Variants in CSMD1 observed in about 807,000 individuals in gnomAD.
CSMD1 encodes CUB and sushi domain-containing protein 1.
A neutral mutation model predicts 417.5 loss-of-function variants in CSMD1; 213 were observed. The ratio of observed to expected loss-of-function variants is 0.51; its 90% CI spans 0.46 to 0.57. The LOEUF is 0.57. Ranked by LOEUF, CSMD1 falls within the 20% of genes least tolerant of loss-of-function variation. The pLI is 0.00. For synonymous variants in CSMD1, 2,862 were observed against 1,736.8 expected, an observed-to-expected ratio of 1.65 and a Z score of -16.11; for missense variants, 6,923 against 4,529.7, an observed-to-expected ratio of 1.53 and a Z score of -15.17.
At chr8:4,626,208 G>A (rs1324952941) in intron 2 of CSMD1, among the ~76,000 whole-genome samples, 1 of 152,042 alleles carries the variant, frequency 6.6e-6, no homozygotes, top group Non-Finnish European at 1.5e-5. Context: ...TTCCTCTTTT[G>A]GCTGAGAGGA....
intron 5 of CSMD1, among the ~76,000 whole-genome samples, chr8:3,951,628 A>T (rs549149113): frequency 1.2e-3 from 187 of 152,342 alleles, no homozygotes; most frequent in Non-Finnish European, 2.3e-3. Flanking sequence ...CAGCTGACAA[A>T]AATATTGGAA....
At chr8:4,486,138 CATACAT>C (rs1167288067) in intron 2 of CSMD1, among the ~76,000 whole-genome samples, 17 of 30,258 alleles carry the variant, frequency 5.6e-4, no homozygotes, top group Non-Finnish European at 9.6e-4. Context: ...TATATATATA[CATACAT>C]ATATATATAT....
chr8:3,972,482 T>C (rs2740814), intron 5 of CSMD1, among the ~76,000 whole-genome samples: 86,138 of 152,082 alleles, frequency 0.57, 24,865 homozygotes, highest in East Asian at 0.8. Context: ...TCCTTTCTCA[T>C]TGGAATGAAT....
intron 2 of CSMD1, among the ~76,000 whole-genome samples, chr8:4,550,985 C>G (rs1003959094): frequency 3.3e-5 from 5 of 152,182 alleles, no homozygotes; most frequent in African/African-American, 1.2e-4. Context: ...ATACACCAAA[C>G]AAAGGCTGCC....
chr8:4,507,114 G>C (rs1398841450), intron 2 of CSMD1, among the ~76,000 whole-genome samples: 2 of 151,944 alleles, frequency 1.3e-5, no homozygotes, highest in Non-Finnish European at 2.9e-5. Flanking sequence ...CCTACACTTT[G>C]ATACATTTCA....
intron 5 of CSMD1, among the ~76,000 whole-genome samples, chr8:3,847,132 T>C (rs755284284): frequency 6.6e-6 from 1 of 152,046 alleles, no homozygotes; most frequent in Non-Finnish European, 1.5e-5. Context: ...CTCTTGCAAG[T>C]GGGCAGGACC....
intron 3 of CSMD1, among the ~76,000 whole-genome samples, chr8:4,199,985 C>G (rs1799556565): frequency 6.6e-6 from 1 of 152,094 alleles, no homozygotes; most frequent in Non-Finnish European, 1.5e-5. Context: ...ATAATGGTGA[C>G]TATTAAAAGT....
chr8:4,913,115 T>C (rs557556974), intron 1 of CSMD1, among the ~76,000 whole-genome samples: 5 of 152,068 alleles, frequency 3.3e-5, no homozygotes, highest in East Asian at 3.9e-4. Context: ...AAAAAAATCG[T>C]GAGGGATCAC....
chr8:3,772,052 C>A (rs897857227), intron 5 of CSMD1, among the ~76,000 whole-genome samples: 2 of 151,640 alleles, frequency 1.3e-5, no homozygotes, highest in Non-Finnish European at 2.9e-5. Context: ...GTGCGAGCAT[C>A]TGAGTCTGCC....
chr8:4,919,104 C>A (rs1242481913), intron 1 of CSMD1, among the ~76,000 whole-genome samples: 1 of 152,146 alleles, frequency 6.6e-6, no homozygotes, highest in Non-Finnish European at 1.5e-5. Flanking sequence ...GATTATGTAA[C>A]ATGTCATGCC....
At chr8:4,248,949 C>T (rs1802882066) in intron 3 of CSMD1, among the ~76,000 whole-genome samples, 2 of 152,112 alleles carry the variant, frequency 1.3e-5, no homozygotes, top group Non-Finnish European at 2.9e-5. Flanking sequence ...TGCATAATAC[C>T]ATAATGCTAC....
chr8:4,885,296 T>C (rs1279157459), intron 1 of CSMD1, among the ~76,000 whole-genome samples: 1 of 151,888 alleles, frequency 6.6e-6, no homozygotes, highest in Non-Finnish European at 1.5e-5. Flanking sequence ...GTTTTCCTTC[T>C]TTTTTTTATT....
intron 26 of CSMD1, among the ~76,000 whole-genome samples, chr8:3,236,747 C>A (rs770202027): frequency 6.6e-6 from 1 of 152,142 alleles, no homozygotes; most frequent in African/African-American, 2.4e-5. Context: ...AATATGTTTT[C>A]TGCAAATTGG....
intron 2 of CSMD1, among the ~76,000 whole-genome samples, chr8:4,622,731 C>A (rs1442347274): frequency 6.6e-6 from 1 of 152,060 alleles, no homozygotes; most frequent in Non-Finnish European, 1.5e-5. Context: ...GTGTTCCTCA[C>A]TTTTACCACT....
chr8:4,266,276 T>A (rs1804219036), intron 3 of CSMD1, among the ~76,000 whole-genome samples: 1 of 105,588 alleles, frequency 9.5e-6, no homozygotes, highest in African/African-American at 2.6e-5. Flanking sequence ...AAGAAAATTT[T>A]ATAAATTTTT....
intron 3 of CSMD1, among the ~76,000 whole-genome samples, chr8:4,228,460 G>C (rs1318868884): frequency 6.6e-6 from 1 of 152,034 alleles, no homozygotes; most frequent in Non-Finnish European, 1.5e-5. Context: ...CCTGAAAGCA[G>C]CACCACACAG....
intron 3 of CSMD1, among the ~76,000 whole-genome samples, chr8:4,358,284 C>A (rs1012864887): frequency 6.6e-6 from 1 of 152,160 alleles, no homozygotes; most frequent in Non-Finnish European, 1.5e-5. Context: ...TGGAGCGCGG[C>A]CATGGGCCAG....
chr8:3,009,361 T>C (rs1585141247), intron 52 of CSMD1, among the ~76,000 whole-genome samples: 1 of 152,238 alleles, frequency 6.6e-6, no homozygotes, highest in African/African-American at 2.4e-5. Context: ...GAAAATAAAA[T>C]ACATTACAAA....
chr8:3,995,714 C>G (rs74493304), intron 5 of CSMD1, among the ~76,000 whole-genome samples: 10,207 of 152,262 alleles, frequency 0.067, 687 homozygotes, highest in African/African-American at 0.16. Flanking sequence ...AATGACCCCA[C>G]AGGGCTTTTG....
Sources: allele counts gnomAD v4.1 joint callset (sites outside exome capture counted in the v4.1 genomes callset), GRCh38; gene constraint gnomAD v4.1.1; transcripts MANE v1.5; gene names NCBI Gene and HGNC (gene_info 2026-07-23, HGNC 2026-07-21).